The following DYNC1I1 variants were observed in gnomAD, a reference collection of about 807,000 sequenced individuals.
DYNC1I1 encodes cytoplasmic dynein 1 intermediate chain 1.
Under a neutral mutation model 86.6 loss-of-function variants are expected in DYNC1I1, and 43 were observed. The observed-to-expected ratio is 0.50, with a 90% CI of 0.39 to 0.64. DYNC1I1 has a LOEUF of 0.64. DYNC1I1 is among the 30% of genes least tolerant of loss of function. The pLI, the probability that DYNC1I1 is intolerant of heterozygous loss-of-function variation, is 0.00. For missense variants in DYNC1I1, 604 were observed against 788.8 expected, an observed-to-expected ratio of 0.77 and a Z score of 2.81; for synonymous variants, 262 against 283.7, an observed-to-expected ratio of 0.92 and a Z score of 0.77.
intron 1 of DYNC1I1, among the ~76,000 whole-genome samples, chr7:95,795,792 G>A (rs1389275093): frequency 6.6e-6 from 1 of 151,748 alleles, no homozygotes; most frequent in Non-Finnish European, 1.5e-5. Context: ...TGGAAATTAG[G>A]CTTAATACCT....
intron 1 of DYNC1I1, among the ~76,000 whole-genome samples, chr7:95,790,550 T>A (rs905077421): frequency 2.3e-4 from 35 of 152,250 alleles, no homozygotes; most frequent in African/African-American, 8.4e-4. Context: ...AACCACAGAC[T>A]ACATGGACTT....
chr7:96,040,320 C>G (rs1788999013), intron 14 of DYNC1I1, among the ~76,000 whole-genome samples: 1 of 151,958 alleles, frequency 6.6e-6, no homozygotes, highest in South Asian at 2.1e-4. Flanking sequence ...AAGCTGAGAC[C>G]ACTTGGAAGG....
At chr7:96,109,232 C>CT (rs1416873852) in intron 16 of DYNC1I1, among the ~76,000 whole-genome samples, 1 of 149,866 alleles carries the variant, frequency 6.7e-6, no homozygotes, top group African/African-American at 2.5e-5. Context: ...TATTATTATA[C>CT]TTTAAGTTTT....
At chr7:96,074,112 T>A (rs1202871669) in intron 14 of DYNC1I1, among the ~76,000 whole-genome samples, 2 of 152,240 alleles carry the variant, frequency 1.3e-5, no homozygotes, top group Admixed American at 1.3e-4. Context: ...TAATGTCCAG[T>A]TGATCATTTT....
chr7:96,025,719 TG>T (rs1390737178), intron 10 of DYNC1I1, among the ~76,000 whole-genome samples: 2 of 152,138 alleles, frequency 1.3e-5, no homozygotes, highest in African/African-American at 2.4e-5. Context: ...AAATAGGTAT[TG>T]GAGTTCTCAC....
At chr7:96,064,890 G>T (rs573058676) in intron 14 of DYNC1I1, among the ~76,000 whole-genome samples, 35 of 152,088 alleles carry the variant, frequency 2.3e-4, no homozygotes, top group African/African-American at 7.7e-4. Context: ...AAAAATCAAG[G>T]ATGGTGTATC....
intron 6 of DYNC1I1, among the ~76,000 whole-genome samples, chr7:95,942,067 A>C (rs1792240464): frequency 6.6e-6 from 1 of 152,234 alleles, no homozygotes; most frequent in Non-Finnish European, 1.5e-5. Flanking sequence ...CCTTCAAAGA[A>C]TTAATGAATC....
At chr7:95,909,243 T>TGGGGG (rs55986463) in intron 6 of DYNC1I1, among the ~76,000 whole-genome samples, 1 of 40,380 alleles carries the variant, frequency 2.5e-5, no homozygotes, top group Admixed American at 3.5e-4. Context: ...GGGAGGGGGG[T>TGGGGG]GGGGGGGGGG....
At chr7:95,991,066 A>G (rs566656511) in intron 9 of DYNC1I1, among the ~76,000 whole-genome samples, 3 of 152,216 alleles carry the variant, frequency 2.0e-5, no homozygotes, top group South Asian at 4.1e-4. Context: ...AAATAAAAAT[A>G]AAGGACTAAT....
chr7:96,000,480 G>C (rs1233366707), intron 10 of DYNC1I1, among the ~76,000 whole-genome samples: 1 of 152,168 alleles, frequency 6.6e-6, no homozygotes, highest in Non-Finnish European at 1.5e-5. Flanking sequence ...ACATGGATCA[G>C]ACCAGAGAAA....
intron 5 of DYNC1I1, among the ~76,000 whole-genome samples, chr7:95,847,592 C>T (rs1333411963): frequency 1.4e-4 from 21 of 152,150 alleles, no homozygotes; most frequent in Non-Finnish European, 4.4e-5. Flanking sequence ...TTAATAACTC[C>T]TCACTGTCTA....
At chr7:96,025,214 G>A (rs764147914) in intron 10 of DYNC1I1, among the ~76,000 whole-genome samples, 8 of 152,150 alleles carry the variant, frequency 5.3e-5, no homozygotes, top group South Asian at 2.1e-4. Context: ...ATCTTACTAC[G>A]TTAGCATTTT....
At chr7:95,875,135 T>G (rs1358532185) in intron 6 of DYNC1I1, among the ~76,000 whole-genome samples, 4 of 152,192 alleles carry the variant, frequency 2.6e-5, no homozygotes, top group African/African-American at 9.7e-5. Context: ...CTGCCCAAGT[T>G]CAGCTTCCCA....
intron 5 of DYNC1I1, among the ~76,000 whole-genome samples, chr7:95,838,531 G>T (rs1363851653): frequency 1.3e-5 from 2 of 151,966 alleles, no homozygotes; most frequent in African/African-American, 2.4e-5. Flanking sequence ...GGTCTTTTGG[G>T]GTTCCATATG....
chr7:95,893,177 C>A (rs1380398695), intron 6 of DYNC1I1, among the ~76,000 whole-genome samples: 1 of 152,148 alleles, frequency 6.6e-6, no homozygotes, highest in Non-Finnish European at 1.5e-5. Context: ...CAAAGAAACA[C>A]ACATTTATTC....
chr7:95,812,219 T>C (rs759130711), intron 3 of DYNC1I1, among the ~76,000 whole-genome samples: 8 of 152,100 alleles, frequency 5.3e-5, no homozygotes, highest in Non-Finnish European at 7.4e-5. Context: ...TAAAAGGAAA[T>C]TGCACATGAT....
At chr7:95,853,479 T>C (rs1789634994) in intron 5 of DYNC1I1, among the ~76,000 whole-genome samples, 1 of 152,218 alleles carries the variant, frequency 6.6e-6, no homozygotes, top group Non-Finnish European at 1.5e-5. Flanking sequence ...AGCCAATAAA[T>C]TGCTGTTCAT....
intron 15 of DYNC1I1, 36 bp downstream of exon 15, chr7:96,076,233 G>A: frequency 6.2e-7 from 1 of 1,609,456 alleles, no homozygotes; most frequent in Non-Finnish European, 8.5e-7. Context: ...CCGGAGGGCT[G>A]GGAGGGGGGC....
chr7:95,954,998 C>T (rs1196349936), intron 6 of DYNC1I1, among the ~76,000 whole-genome samples: 1 of 150,074 alleles, frequency 6.7e-6, no homozygotes, highest in Non-Finnish European at 1.5e-5. Context: ...TATCATATGT[C>T]AGTGCTATGC....
Sources: gnomAD v4.1 joint callset for allele counts (sites outside exome capture counted in the v4.1 genomes callset) on GRCh38, gnomAD v4.1.1 for gene constraint, MANE v1.5 for transcripts, NCBI Gene and HGNC (gene_info 2026-07-23, HGNC 2026-07-21) for gene names.